The following CSMD1 variants were observed in gnomAD, a reference collection of about 807,000 sequenced individuals.
The protein encoded by CSMD1 is CUB and Sushi multiple domains 1.
Under a neutral mutation model 417.5 loss-of-function variants are expected in CSMD1, and 213 were observed. The ratio of observed to expected loss-of-function variants is 0.51; its 90% CI spans 0.46 to 0.57. The LOEUF is 0.57. CSMD1 is among the 20% of genes least tolerant of loss of function. The pLI, the probability that CSMD1 is intolerant of heterozygous loss-of-function variation, is 0.00. For synonymous variants in CSMD1, 2,862 were observed against 1,736.8 expected (o/e 1.65, Z -16.11); for missense variants, 6,923 against 4,529.7 (o/e 1.53, Z -15.17).
chr8:3,200,611 T>C (rs758821444), intron 32 of CSMD1, among the ~76,000 whole-genome samples: 30 of 151,180 alleles, frequency 2.0e-4, no homozygotes, highest in Non-Finnish European at 7.4e-5. Context: ...TATATAAAAG[T>C]GCATATAAAA....
In CSMD1 at chr8:2,938,721, T is replaced by C; in HGVS notation, c.10559A>G (p.Asn3520Ser). The part of the protein sequence containing the change: ...KHRTRPKVQY[N>S]GYAGHENSNG... ...GCTGTTTTCATGCCCAGCATAGCCATTGTATTGAACTTTTGGTCTCGTTCT... is the reference window on the plus strand; with the variant it reads ...GCTGTTTTCATGCCCAGCATAGCCACTGTATTGAACTTTTGGTCTCGTTCT... The change falls in exon 70 of 70, where the codon AAT (asparagine) becomes AGT (serine). Residue 3520 changes from asparagine to serine, a missense_variant. Transcript: ENST00000635120. The C allele has an allele frequency of 1.9e-6, 3 of 1,610,476 alleles. No homozygotes were observed. The highest frequency in any genetic ancestry group is 2.5e-6 in the Non-Finnish European group (3 of 1,178,160).
chr8:3,976,714 C>G (rs1420806090), intron 5 of CSMD1, among the ~76,000 whole-genome samples: 2 of 152,256 alleles, frequency 1.3e-5, no homozygotes, highest in South Asian at 2.1e-4. Flanking sequence ...CTTTTAATCT[C>G]CACAAGAACC....
intron 1 of CSMD1, among the ~76,000 whole-genome samples, chr8:4,675,066 C>T (rs562321654): frequency 5.5e-4 from 84 of 152,196 alleles, no homozygotes; most frequent in Middle Eastern, 3.4e-3. Context: ...TCCAGAACTG[C>T]GAGGAATAAA....
chr8:4,764,888 A>AAAACAAAACAAAACAAAAC (rs1563326870), intron 1 of CSMD1, among the ~76,000 whole-genome samples: 7 of 43,704 alleles, frequency 1.6e-4, no homozygotes, highest in South Asian at 9.3e-4. Flanking sequence ...AAAAAAAAAA[A>AAAACAAAACAAAACAAAAC]AAAAAACAAC....
chr8:4,757,383 A>C (rs1329930460), intron 1 of CSMD1, among the ~76,000 whole-genome samples: 1 of 152,178 alleles, frequency 6.6e-6, no homozygotes, highest in African/African-American at 2.4e-5. Context: ...GATTCAATAT[A>C]CACAAAAACT....
chr8:4,460,915 A>C (rs192430517), intron 2 of CSMD1, among the ~76,000 whole-genome samples: 6 of 152,268 alleles, frequency 3.9e-5, no homozygotes, highest in Admixed American at 2.0e-4. Flanking sequence ...ATTCCAACTT[A>C]TTTTATAAGG....
At position 4,890,645 on chromosome 8, in the gene CSMD1, G is replaced by T. The variant is rs1173349895; in HGVS notation, c.85+103687C>A. 2.0e-5 allele frequency among the ~76,000 whole-genome samples: 3 copies of T among 151,974 alleles called. No individual in the cohort carries two copies. The East Asian group carries it at 5.8e-4, about 29-fold the overall frequency. ...AGGTCCTCACAGCCATGGGCATCCTGGGCAGGACAGATGAGAGCGTGTGAC... is the reference window on the plus strand; with the variant it reads ...AGGTCCTCACAGCCATGGGCATCCTTGGCAGGACAGATGAGAGCGTGTGAC... On this transcript the variant is annotated intron_variant, in intron 1 of 69. Coordinates refer to ENST00000635120, the MANE Select transcript of CSMD1 (RefSeq NM_033225.6).
At chr8:3,908,275 G>C (rs1380901083) in intron 5 of CSMD1, among the ~76,000 whole-genome samples, 2 of 152,006 alleles carry the variant, frequency 1.3e-5, no homozygotes, top group African/African-American at 4.8e-5. Context: ...GGTTCATCAA[G>C]AAATCTTCCC....
intron 3 of CSMD1, among the ~76,000 whole-genome samples, chr8:4,086,831 C>T (rs1168948942): frequency 1.3e-5 from 2 of 152,146 alleles, no homozygotes; most frequent in Non-Finnish European, 2.9e-5. Context: ...ACTTTGCATG[C>T]ATCCTTGTCA....
chr8:3,398,358 T>C (rs912917893), intron 16 of CSMD1, among the ~76,000 whole-genome samples: 1 of 152,198 alleles, frequency 6.6e-6, no homozygotes, highest in African/African-American at 2.4e-5. Flanking sequence ...TAAACAACTT[T>C]TTTCTCTTGT....
intron 33 of CSMD1, among the ~76,000 whole-genome samples, chr8:3,196,444 A>G (rs9785160): frequency 0.68 from 102,741 of 151,922 alleles, 35,644 homozygotes; most frequent in Non-Finnish European, 0.76. Context: ...ACTTTACTCT[A>G]TGGACTCGCC....
intron 10 of CSMD1, among the ~76,000 whole-genome samples, chr8:3,556,574 A>C (rs189403248): frequency 6.6e-6 from 1 of 151,004 alleles, no homozygotes; most frequent in Admixed American, 6.6e-5. Context: ...TCAGAAATGG[A>C]AAAGTTCAAT....
intron 2 of CSMD1, among the ~76,000 whole-genome samples, chr8:4,477,081 A>C (rs1262120353): frequency 1.3e-5 from 2 of 152,182 alleles, no homozygotes; most frequent in South Asian, 2.1e-4. Context: ...GGGAGAGGGA[A>C]GAGCAGGTGT....
intron 10 of CSMD1, among the ~76,000 whole-genome samples, chr8:3,534,819 GGT>G (rs1437416968): frequency 6.6e-6 from 1 of 152,118 alleles, no homozygotes; most frequent in Non-Finnish European, 1.5e-5. Flanking sequence ...ATTTTCTTTG[GGT>G]CACATTTTGG....
intron 7 of CSMD1, among the ~76,000 whole-genome samples, chr8:3,681,815 A>G (rs1799678612): frequency 6.6e-6 from 1 of 152,192 alleles, no homozygotes; most frequent in South Asian, 2.1e-4. Context: ...AGTAACCCAA[A>G]CAGCATGGTA....
intron 5 of CSMD1, among the ~76,000 whole-genome samples, chr8:3,970,262 G>A (rs192273211): frequency 6.6e-5 from 10 of 152,272 alleles, no homozygotes; most frequent in Admixed American, 2.6e-4. Flanking sequence ...AGACCAGAAC[G>A]CTGTATGTCC....
chr8:4,811,475 T>C (rs1409865910), intron 1 of CSMD1, among the ~76,000 whole-genome samples: 1 of 152,170 alleles, frequency 6.6e-6, no homozygotes, highest in Non-Finnish European at 1.5e-5. Context: ...CTTCAAAAAA[T>C]ACAATTTTAT....
intron 12 of CSMD1, among the ~76,000 whole-genome samples, chr8:3,455,096 G>A (rs962247641): frequency 7.2e-5 from 11 of 151,776 alleles, no homozygotes; most frequent in Non-Finnish European, 1.2e-4. Flanking sequence ...TCTTTCTATC[G>A]ATCGAATCGG....
At chr8:4,095,456 G>A (rs1036470646) in intron 3 of CSMD1, among the ~76,000 whole-genome samples, 1 of 152,126 alleles carries the variant, frequency 6.6e-6, no homozygotes, top group Non-Finnish European at 1.5e-5. Flanking sequence ...TGCAATTTGA[G>A]CATTTTGTAT....
Sources: gnomAD v4.1 joint callset for allele counts (sites outside exome capture counted in the v4.1 genomes callset) on GRCh38, gnomAD v4.1.1 for gene constraint, MANE v1.5 for transcripts, NCBI Gene and HGNC (gene_info 2026-07-23, HGNC 2026-07-21) for gene names.